AMDHD2: variants seen among roughly 807,000 people sequenced by gnomAD.
AMDHD2 encodes amidohydrolase domain containing 2, also known as N-acetylglucosamine-6-phosphate deacetylase.
In AMDHD2, 24 loss-of-function variants were observed where a neutral mutation model predicts 41.8. The ratio of observed to expected loss-of-function variants is 0.57; its 90% CI spans 0.42 to 0.81. AMDHD2 has a LOEUF of 0.81. AMDHD2 is among the 30% of genes least tolerant of loss of function. AMDHD2 has a pLI of 0.00. For synonymous variants in AMDHD2, 332 were observed against 255.5 expected, an observed-to-expected ratio of 1.30 and a Z score of -2.85; for missense variants, 540 against 588.5, an observed-to-expected ratio of 0.92 and a Z score of 0.85.
chr16:2,524,863 C>T (rs901924212), intron 3 of AMDHD2, among the ~76,000 whole-genome samples: 2 of 152,022 alleles, frequency 1.3e-5, no homozygotes, highest in African/African-American at 4.8e-5. Context: ...TCTCATCTTT[C>T]CTGGTAGTTC....
chr16:2,525,149 T>A (rs1386163364), intron 3 of AMDHD2, among the ~76,000 whole-genome samples: 1 of 151,254 alleles, frequency 6.6e-6, no homozygotes, highest in Non-Finnish European at 1.5e-5. Context: ...CTCTGCCTCC[T>A]GAGTTTAAGT....
At chr16:2,524,754 C>CA (rs1346792266) in intron 3 of AMDHD2, among the ~76,000 whole-genome samples, 1 of 152,146 alleles carries the variant, frequency 6.6e-6, no homozygotes, top group African/African-American at 2.4e-5. Context: ...GGCTGCTTCT[C>CA]AGTCTTTCAG....
In AMDHD2 at chr16:2,530,255, A is replaced by C. The variant is rs1439441657; in HGVS notation, c.*692A>C. 1 of 1,608,606 alleles carries C rather than the reference A, an allele frequency of 6.2e-7. No individual in the cohort carries two copies. The highest frequency in any genetic ancestry group is 2.2e-5 in the East Asian group (1 of 44,740). ...TAACCCTATCTCTTCACACATCCCC[A>C]GGCCCAGTGCTTGCCGGCTGTGGTG... is the stretch of plus-strand genomic sequence containing the variant. On this transcript the variant is annotated 3_prime_UTR_variant, in exon 11 of 11. Transcript: ENST00000293971.
chr16:2,530,288 C>G lies in AMDHD2; in HGVS notation c.*725C>G. On this transcript the variant is annotated 3_prime_UTR_variant, in exon 11 of 11. Coordinates refer to ENST00000293971, the MANE Select transcript of AMDHD2 (RefSeq NM_001330449.2). ...TGCTTGCCGGCTGTGGTGACCCTGC[C>G]TGGTGCTGGAGGGCAGTATGGGAGG... The G allele has an allele frequency of 6.2e-6, 10 of 1,613,660 alleles. No homozygotes were observed. The highest frequency in any genetic ancestry group is 1.1e-5 in the South Asian group (1 of 91,038).
At chr16:2,528,892 C>A in intron 9 of AMDHD2, 102 bp from the exon 10 acceptor site, 1 of 1,475,122 alleles carries the variant, frequency 6.8e-7, no homozygotes, top group Non-Finnish European at 9.2e-7. Context: ...CCTTGTTAGC[C>A]TGCTGCAGAG....
rs1452341463 is a variant in AMDHD2 at position 2,527,112 on chromosome 16, T to C, written c.361-449T>C. 1 of 205,920 alleles carries C rather than the reference T, an allele frequency of 4.9e-6. No homozygotes were observed. Among genetic ancestry groups the C allele is most frequent in the Non-Finnish European group, 9.8e-6 (1 of 102,336 alleles). The allele number at this position is 205,920 out of a possible 1,614,324, so 12.8% of individuals were successfully genotyped here. Reference sequence around the variant, plus strand: ...ACCTGTTAGCCTCTGAGATGTGTGGTGTGAGCCCGTGTCCCCCCGTTCCCT... The same window carrying C: ...ACCTGTTAGCCTCTGAGATGTGTGGCGTGAGCCCGTGTCCCCCCGTTCCCT... On this transcript the variant is annotated intron_variant, in intron 3 of 10. Transcript: ENST00000293971. The surrounding 1 kb of genome is among the most constrained non-coding windows in gnomAD (Gnocchi z 6.1).
chr16:2,520,521 G>A lies in AMDHD2; in HGVS notation c.63G>A (p.Leu21=). Residue 21 remains leucine (L), a synonymous_variant, in exon 1 of 11, where the codon CTG becomes CTA. Coordinates refer to ENST00000293971, the MANE Select transcript of AMDHD2 (RefSeq NM_001330449.2). The stretch of plus-strand genomic sequence containing the variant: ...TCCAGTTCACTAACTGCCGGATCCT[G>A]CGCGGAGGGAAACTGCTCAGGTGGG... ...RVLQFTNCRI[L]RGGKLLREDL... 3 of 1,238,970 alleles carry A rather than the reference G, an allele frequency of 2.4e-6. No individual in the cohort carries two copies. Among genetic ancestry groups the A allele is most frequent in the Non-Finnish European group, 2.0e-6 (2 of 984,798 alleles). 76.7% of individuals were successfully genotyped at this position (1,238,970 alleles called of 1,614,324 possible). A position where few individuals can be genotyped will look rare whatever the true frequency, so the allele number is the denominator to read the frequency against.
chr16:2,529,764 CAT>C lies in AMDHD2; in HGVS notation c.*202_*203del, dbSNP rs138447815. On this transcript the variant is annotated 3_prime_UTR_variant, in exon 11 of 11. Transcript: ENST00000293971. ...TGGCTCCGGGTTTTGCTTGTGCTCA[CAT>C]GTGGCACCATCCTTGGTTGCCCTCC... The C allele has an allele frequency of 2.0e-3, 2,886 of 1,436,124 alleles. 42 individuals are homozygous for C. The African/African-American group carries it at 0.037, about 18-fold the overall frequency. The allele number at this position is 1,436,124 out of a possible 1,614,324, so 89.0% of individuals were successfully genotyped here. A position where few individuals can be genotyped will look rare whatever the true frequency, so the allele number is the denominator to read the frequency against.
At position 2,529,638 on chromosome 16, in the gene AMDHD2, C is replaced by T. The variant is rs2066059040; in HGVS notation, c.*75C>T. On this transcript the variant is annotated 3_prime_UTR_variant, in exon 11 of 11. Coordinates refer to ENST00000293971, the MANE Select transcript of AMDHD2 (RefSeq NM_001330449.2). Reference sequence around the variant, plus strand: ...GCCGGGTGGTTGGGGAGCTGGTCTCCAGGGAGTGAGTCGGGAGCCCTGCTG... The same window carrying T: ...GCCGGGTGGTTGGGGAGCTGGTCTCTAGGGAGTGAGTCGGGAGCCCTGCTG... 3 of 1,592,040 alleles carry T rather than the reference C, an allele frequency of 1.9e-6. No individual in the cohort carries two copies. Among genetic ancestry groups the T allele is most frequent in the South Asian group, 1.1e-5 (1 of 90,432 alleles).
chr16:2,529,727 C>G lies in AMDHD2; in HGVS notation c.*164C>G. 1 of 1,451,824 alleles carries G rather than the reference C, an allele frequency of 6.9e-7. No individual in the cohort carries two copies. The highest frequency in any genetic ancestry group is 9.1e-7 in the Non-Finnish European group (1 of 1,103,332). The allele number at this position is 1,451,824 out of a possible 1,614,324, so 89.9% of individuals were successfully genotyped here. ...GTGGCTGGGATAAACGTGCACCCAG[C>G]AGGACTCGCCTTGGCTCCGGGTTTT... On this transcript the variant is annotated 3_prime_UTR_variant, in exon 11 of 11. Transcript: ENST00000293971.
rs569072409 is a variant in AMDHD2, at chr16:2,530,201, A to G, written c.*638A>G. 7.4e-5 allele frequency: 111 copies of G among 1,506,580 alleles called. No individual in the cohort carries two copies. In the South Asian group the frequency reaches 1.3e-3, roughly 17 times the overall value. The allele number at this position is 1,506,580 out of a possible 1,614,324, so 93.3% of individuals were successfully genotyped here. ...GACTGCCTAGCCCTGAGTGCCACGG[A>G]TGACCAGCGTTCTGTTTTCTCTTCT... On this transcript the variant is annotated 3_prime_UTR_variant, in exon 11 of 11. Transcript: ENST00000293971.
At position 2,528,260 on chromosome 16, in the gene AMDHD2, G is replaced by T; in HGVS notation, c.742G>T (p.Val248Leu). The T allele has an allele frequency of 1.2e-6, 2 of 1,612,258 alleles. No individual in the cohort carries two copies. The highest frequency in any genetic ancestry group is 1.7e-6 in the Non-Finnish European group (2 of 1,179,862). The change falls in exon 7 of 11, where the codon GTG becomes TTG. Residue 248 changes from valine to leucine, a missense_variant. Physicochemically the swap from Val to Leu is conservative, Grantham distance 32. Coordinates refer to ENST00000293971, the MANE Select transcript of AMDHD2 (RefSeq NM_001330449.2). ...GTTCCACCACCGCGACCCAGGCATC[G>T]TGGGGCTCCTGACCAGCGACCGGCT... The part of the protein sequence containing the change: ...LPFHHRDPGI[V>L]GLLTSDRLPA...
Position 2,521,120 on chromosome 16 carries a change from CAAGGT to C in AMDHD2, c.358_360+2del. ...TCACTTCCCCACCGGAGGTTTATCA[CAAGGT>C]GAGGTGAGGCTCCCTGGCTGAGGTG... On this transcript the variant is annotated splice_donor_variant and coding_sequence_variant, in exon 3 of 11. Transcript: ENST00000293971. LOFTEE classifies it high-confidence loss of function. The C allele has an allele frequency of 6.3e-7, 1 of 1,578,446 alleles. No homozygotes were observed. The highest frequency in any genetic ancestry group is 8.6e-7 in the Non-Finnish European group (1 of 1,156,254).
Position 2,527,915 on chromosome 16 carries a change from G to T in AMDHD2, c.558G>T (p.Leu186=). ...GPLDNVRIVT[L]APELGRSHEV... is the part of the protein sequence containing the mutation. ...TGGACAATGTCCGCATCGTGACGCTGGCCCCAGAGTTGGGCCGTAGCCACG... is the reference window on the plus strand; with the variant it reads ...TGGACAATGTCCGCATCGTGACGCTTGCCCCAGAGTTGGGCCGTAGCCACG... Residue 186 remains leucine (L), a synonymous_variant, in exon 5 of 11, where the codon CTG becomes CTT. Coordinates refer to ENST00000293971, the MANE Select transcript of AMDHD2 (RefSeq NM_001330449.2). The surrounding 1 kb of genome is among the most constrained non-coding windows in gnomAD (Gnocchi z 6.1). 1 of 1,597,234 alleles carries T rather than the reference G, an allele frequency of 6.3e-7. No homozygotes were observed. The highest frequency in any genetic ancestry group is 8.5e-7 in the Non-Finnish European group (1 of 1,178,578).
At chr16:2,520,647 TGCAGGGTGCGGGGCCGGGGACCGG>T (rs2065921429) in intron 1 of AMDHD2, 98 bp from the exon 2 acceptor site, 3 of 978,274 alleles carry the variant, frequency 3.1e-6, no homozygotes, top group Admixed American at 1.9e-4. Context: ...CAGGGCGGGG[TGCAGGGTGCGGGGCCGGGGACCGG>T]GCGGGGTGCA....
chr16:2,526,706 G>A (rs942433313), intron 3 of AMDHD2, among the ~76,000 whole-genome samples: 2 of 151,744 alleles, frequency 1.3e-5, no homozygotes, highest in East Asian at 1.9e-4. Flanking sequence ...GGGAGACTAA[G>A]GTGGGTGTTT....
chr16:2,530,873 A>AGGGAT lies in AMDHD2; in HGVS notation c.*1311_*1315dup. On this transcript the variant is annotated 3_prime_UTR_variant, in exon 11 of 11. Coordinates refer to ENST00000293971, the MANE Select transcript of AMDHD2 (RefSeq NM_001330449.2). ...TGACCTCCTGAGAGGTGTGAGGTGC[A>AGGGAT]GGGATACCCACCTCTGCCTTGACGG... 1 of 1,613,612 alleles carries AGGGAT rather than the reference A, an allele frequency of 6.2e-7. No individual in the cohort carries two copies. The highest frequency in any genetic ancestry group is 8.5e-7 in the Non-Finnish European group (1 of 1,179,988).
At chr16:2,521,580 G>A (rs550140540) in intron 3 of AMDHD2, among the ~76,000 whole-genome samples, 29 of 152,144 alleles carry the variant, frequency 1.9e-4, no homozygotes, top group Admixed American at 1.4e-3. Context: ...CTTGCCCCAC[G>A]CTTCCATTTT....
chr16:2,521,481 C>T (rs1389603471), intron 3 of AMDHD2, among the ~76,000 whole-genome samples: 1 of 152,140 alleles, frequency 6.6e-6, no homozygotes, highest in African/African-American at 2.4e-5. Context: ...CAGCGATAGT[C>T]CCTGGTCAGG....
Sources: allele counts gnomAD v4.1 joint callset (sites outside exome capture counted in the v4.1 genomes callset), GRCh38; gene constraint gnomAD v4.1.1; non-coding constraint Gnocchi (gnomAD v3.1); transcripts MANE v1.5; gene names NCBI Gene and HGNC (gene_info 2026-07-23, HGNC 2026-07-21).